Variants in PCDHA12 observed in about 807,000 individuals in gnomAD.
The protein encoded by PCDHA12 is protocadherin alpha-12.
Under a neutral mutation model 60.0 loss-of-function variants are expected in PCDHA12, and 44 were observed. That is an observed-to-expected ratio of 0.73 (90% CI 0.58 to 0.94). The LOEUF is 0.94. Ranked by LOEUF, PCDHA12 falls within the 40% of genes least tolerant of loss-of-function variation. PCDHA12 has a pLI of 0.00. For synonymous variants in PCDHA12, 569 were observed against 553.0 expected (o/e 1.03, Z -0.40); for missense variants, 1,276 against 1,239.7 (o/e 1.03, Z -0.44).
intron 3 of PCDHA12, among the ~76,000 whole-genome samples, chr5:140,999,367 C>T (rs1229497053): frequency 4.6e-5 from 7 of 152,100 alleles, no homozygotes; most frequent in African/African-American, 1.7e-4. Flanking sequence ...TTCACAATCC[C>T]ATTAGATGGT....
chr5:140,929,085 G>A, intron 1 of PCDHA12: 1 of 1,614,174 alleles, frequency 6.2e-7, no homozygotes, highest in Non-Finnish European at 8.5e-7. Flanking sequence ...GAAGTAAGAT[G>A]GTTTCAAATC....
chr5:140,966,962 G>A (rs370831122), intron 1 of PCDHA12: 1 of 1,602,750 alleles, frequency 6.2e-7, no homozygotes, highest in Non-Finnish European at 8.5e-7. Context: ...TCGCGCGCTG[G>A]GGCTTGAGCT....
chr5:140,882,335 GCCTGGGAGACGGGTAGTGGCCAGCT>G (rs1554173599), intron 1 of PCDHA12: 11 of 1,614,078 alleles, frequency 6.8e-6, no homozygotes, highest in Non-Finnish European at 9.3e-6. Flanking sequence ...GATCCTCGCA[GCCTGGGAGACGGGTAGTGGCCAGCT>G]CCACTACTCC....
intron 1 of PCDHA12, among the ~76,000 whole-genome samples, chr5:140,905,438 C>T (rs182288757): frequency 1.5e-4 from 23 of 152,228 alleles, no homozygotes; most frequent in Non-Finnish European, 2.4e-4. Flanking sequence ...TAACTACAGC[C>T]TTTTAGTATA....
intron 3 of PCDHA12, among the ~76,000 whole-genome samples, chr5:140,984,830 T>C (rs2097123075): frequency 6.6e-6 from 1 of 152,220 alleles, no homozygotes; most frequent in South Asian, 2.1e-4. Context: ...TTACCCTTTC[T>C]GTAAATTGGG....
In PCDHA12 at chr5:140,876,187, G is replaced by A. The variant is rs1554168344; in HGVS notation, c.715G>A (p.Gly239Ser). The A allele has an allele frequency of 1.9e-6, 3 of 1,613,842 alleles. No individual in the cohort carries two copies. The highest frequency in any genetic ancestry group is 2.7e-5 in the African/African-American group (2 of 74,918). Residue 239 changes from glycine (G) to serine (S), a missense_variant, in exon 1 of 4, where the codon GGT becomes AGT. Gly to Ser is a moderately conservative substitution (Grantham distance 56). Transcript: ENST00000398631. ...QITVLDVNDN[G>S]PAFDKPSYKV... is the part of the protein sequence containing the mutation. ...AACCGTCCTGGATGTGAATGACAAT[G>A]GTCCGGCGTTTGATAAGCCCAGCTA...
chr5:140,920,996 CAG>C (rs1554200030), intron 1 of PCDHA12, among the ~76,000 whole-genome samples: 3 of 151,876 alleles, frequency 2.0e-5, no homozygotes, highest in African/African-American at 7.3e-5. Context: ...CTTATTTTTT[CAG>C]AGTCAGGGTC....
intron 1 of PCDHA12, among the ~76,000 whole-genome samples, chr5:140,921,213 G>A (rs759293646): frequency 1.3e-5 from 2 of 151,378 alleles, no homozygotes; most frequent in East Asian, 1.9e-4. Context: ...GATAATTCAC[G>A]TCTTTTTTGC....
chr5:140,971,332 A>G (rs1229650076), intron 1 of PCDHA12, among the ~76,000 whole-genome samples: 3 of 152,242 alleles, frequency 2.0e-5, no homozygotes, highest in Non-Finnish European at 4.4e-5. Context: ...AAATTATTTC[A>G]GAAAGTGCTT....
chr5:140,883,179 C>A, intron 1 of PCDHA12: 4 of 1,613,776 alleles, frequency 2.5e-6, no homozygotes, highest in Non-Finnish European at 1.7e-6. Flanking sequence ...GAAATTAGGA[C>A]AAAAGGCAAA....
chr5:140,893,667 A>C (rs564806011), intron 1 of PCDHA12, among the ~76,000 whole-genome samples: 4 of 152,316 alleles, frequency 2.6e-5, no homozygotes, highest in African/African-American at 9.6e-5. Flanking sequence ...AAAAAATTTC[A>C]GCACTTTGGA....
In PCDHA12 at chr5:140,914,736, T is replaced by C. The variant is rs76155363; in HGVS notation, c.2367+36897T>C. Among the ~76,000 whole-genome samples, 1,216 of 152,300 alleles carry C rather than the reference T, an allele frequency of 8.0e-3. 6 individuals are homozygous for C. Among genetic ancestry groups the C allele is most frequent in the African/African-American group, 0.019 (785 of 41,570 alleles). On this transcript the variant is annotated intron_variant, in intron 1 of 3. Transcript: ENST00000398631. ...TTTTTTATTTTTTGTGTATCCATTG[T>C]ATGTTTTTCCATTTGAGGTTACATG...
At chr5:140,927,816 A>G in intron 1 of PCDHA12, 2 of 1,614,198 alleles carry the variant, frequency 1.2e-6, no homozygotes, top group Non-Finnish European at 1.7e-6. Flanking sequence ...TCTTGGAGGC[A>G]TACATTGAGG....
chr5:140,882,927 C>A, intron 1 of PCDHA12: 1 of 1,614,104 alleles, frequency 6.2e-7, no homozygotes. Context: ...GGAGGTAAAC[C>A]CGAGCTGACT....
intron 2 of PCDHA12, among the ~76,000 whole-genome samples, chr5:140,979,729 C>CA: frequency 6.6e-6 from 1 of 152,232 alleles, no homozygotes; most frequent in African/African-American, 2.4e-5. Flanking sequence ...GCCATGGGGC[C>CA]AAATAAAAGA....
intron 1 of PCDHA12, among the ~76,000 whole-genome samples, chr5:140,962,075 C>T (rs999623991): frequency 6.6e-6 from 1 of 151,836 alleles, no homozygotes; most frequent in South Asian, 2.1e-4. Context: ...TTAGTAGAGA[C>T]GGGGTTTCAC....
chr5:140,904,685 G>A (rs2071317723), intron 1 of PCDHA12, among the ~76,000 whole-genome samples: 1 of 152,104 alleles, frequency 6.6e-6, no homozygotes, highest in African/African-American at 2.4e-5. Context: ...CCCACCAGCA[G>A]TGTAAAATTG....
intron 1 of PCDHA12, chr5:140,969,448 G>C (rs781843317): frequency 2.0e-6 from 3 of 1,537,944 alleles, no homozygotes; most frequent in Non-Finnish European, 2.6e-6. Flanking sequence ...CTGGTAAACT[G>C]AGTATATATA....
chr5:140,883,356 C>A, intron 1 of PCDHA12: 1 of 1,614,190 alleles, frequency 6.2e-7, no homozygotes, highest in Non-Finnish European at 8.5e-7. Flanking sequence ...AGAGAAGACA[C>A]TCAGCCTAGC....
Sources: allele counts gnomAD v4.1 joint callset (sites outside exome capture counted in the v4.1 genomes callset), GRCh38; gene constraint gnomAD v4.1.1; transcripts MANE v1.5; gene names NCBI Gene and HGNC (gene_info 2026-07-23, HGNC 2026-07-21).